VPS13C: variants seen among roughly 807,000 people sequenced by gnomAD.
VPS13C encodes vacuolar protein sorting 13 homolog C, also known as intermembrane lipid transfer protein VPS13C.
Under a neutral mutation model 456.8 loss-of-function variants are expected in VPS13C, and 358 were observed. The observed-to-expected ratio is 0.78, with a 90% CI of 0.72 to 0.86. The LOEUF (loss-of-function observed/expected upper bound fraction) is 0.86. VPS13C is among the 40% of genes least tolerant of loss of function. The probability of loss-of-function intolerance (pLI) is 0.00; values close to 1 mark genes in which losing one functional copy is unlikely to be tolerated. For synonymous variants in VPS13C, 1,578 were observed against 1,486.7 expected, an observed-to-expected ratio of 1.06 and a Z score of -1.41; for missense variants, 4,818 against 4,385.4, an observed-to-expected ratio of 1.10 and a Z score of -2.79.
intron 15 of VPS13C, among the ~76,000 whole-genome samples, chr15:62,006,610 G>A (rs2046856882): frequency 2.0e-5 from 3 of 152,174 alleles, no homozygotes; most frequent in African/African-American, 7.2e-5. Context: ...AATCCTTTGG[G>A]TACATACCCA....
intron 37 of VPS13C, among the ~76,000 whole-genome samples, chr15:61,958,007 G>GA (rs1263489130): frequency 1.3e-5 from 2 of 151,224 alleles, no homozygotes; most frequent in Non-Finnish European, 3.0e-5. Context: ...CCATTTGTTT[G>GA]AAAAAAACTA....
chr15:62,005,053 T>A (rs1269604503), intron 15 of VPS13C, among the ~76,000 whole-genome samples: 1 of 151,908 alleles, frequency 6.6e-6, no homozygotes, highest in Non-Finnish European at 1.5e-5. Flanking sequence ...GGTGCAGAGC[T>A]GAGTTCAATT....
Position 61,945,694 on chromosome 15 carries a change from A to C in VPS13C, c.5148+21T>G, listed in dbSNP as rs190733002. The C allele has an allele frequency of 4.1e-3, 6,360 of 1,557,882 alleles. 154 individuals carry two copies. The Admixed American group carries it at 0.064, about 16-fold the overall frequency. On this transcript the variant is annotated intron_variant, in intron 45 of 84. Transcript: ENST00000644861. ...GATATTTAGGCCTCAGTGAGGAATAAATATATTTTTAAAAACTTACCAAAA... is the reference window on the plus strand; with the variant it reads ...GATATTTAGGCCTCAGTGAGGAATACATATATTTTTAAAAACTTACCAAAA...
At chr15:62,030,471 T>C (rs2047776554) in intron 5 of VPS13C, among the ~76,000 whole-genome samples, 1 of 152,064 alleles carries the variant, frequency 6.6e-6, no homozygotes, top group African/African-American at 2.4e-5. Flanking sequence ...CAGGAGCAAG[T>C]GCCGGCATCA....
intron 19 of VPS13C, among the ~76,000 whole-genome samples, chr15:61,984,319 C>T (rs1262806650): frequency 6.6e-6 from 1 of 152,142 alleles, no homozygotes; most frequent in Non-Finnish European, 1.5e-5. Flanking sequence ...GGATGAACTC[C>T]TCTCCCTATT....
At position 61,865,596 on chromosome 15, in the gene VPS13C, A is replaced by G. The variant is rs117905423; in HGVS notation, c.10864-2068T>C. 6.7e-4 allele frequency: 421 copies of G among 625,500 alleles called. 2 individuals carry two copies. The East Asian group carries it at 0.015, about 22-fold the overall frequency. The allele number at this position is 625,500 out of a possible 1,614,324, so 38.7% of individuals were successfully genotyped here. ...TATATATGTGTGTATATGTGTGTGTATATATGTATGTGTATATATGTATGT... is the reference window on the plus strand; with the variant it reads ...TATATATGTGTGTATATGTGTGTGTGTATATGTATGTGTATATATGTATGT... On this transcript the variant is annotated intron_variant, in intron 81 of 84. Transcript: ENST00000644861.
intron 83 of VPS13C, among the ~76,000 whole-genome samples, chr15:61,855,778 A>G (rs781301657): frequency 2.0e-5 from 3 of 152,100 alleles, no homozygotes; most frequent in Non-Finnish European, 4.4e-5. Context: ...TGTAACAAAC[A>G]TATTTCAAAG....
intron 67 of VPS13C, among the ~76,000 whole-genome samples, chr15:61,885,384 A>G (rs577759320): frequency 1.8e-4 from 27 of 152,238 alleles, no homozygotes; most frequent in East Asian, 5.8e-4. Flanking sequence ...CAAAGCCACT[A>G]TTATTGGTGT....
rs758929774 is a variant in VPS13C at position 61,920,532 on chromosome 15, T to G, written c.7178A>C (p.Lys2393Thr). The G allele has an allele frequency of 7.1e-6, 11 of 1,556,310 alleles. No individual in the cohort carries two copies. In the South Asian group the frequency reaches 1.4e-4, roughly 19 times the overall value. The change falls in exon 56 of 85, where the codon AAA becomes ACA. Residue 2393 changes from lysine (K) to threonine (T), a missense_variant. Lys to Thr is a moderately conservative substitution (Grantham distance 78, BLOSUM62 -1). Coordinates refer to ENST00000644861, the MANE Select transcript of VPS13C (RefSeq NM_020821.3). ...ATTGTTGAAAACATTAAGACAACTT[T>G]TGGATATTGTTATATTCATTGTATT... ...SGNTMNITIS[K>T]SCLNVFNNLA...
chr15:61,962,883 T>C, intron 32 of VPS13C, 31 bp from the exon 33 acceptor site: 1 of 1,432,744 alleles, frequency 7.0e-7, no homozygotes, highest in Non-Finnish European at 9.7e-7. Flanking sequence ...TTATAATTTC[T>C]ACAGACCTAC....
At chr15:61,913,512 T>C in intron 61 of VPS13C, 97 bp from the exon 62 acceptor site, 1 of 1,015,866 alleles carries the variant, frequency 9.8e-7, no homozygotes, top group Non-Finnish European at 1.5e-6. Flanking sequence ...ATTTCTTTAG[T>C]ACCGTGGGAC....
chr15:61,988,041 C>G (rs961239994), intron 18 of VPS13C, among the ~76,000 whole-genome samples: 1 of 152,064 alleles, frequency 6.6e-6, no homozygotes, highest in African/African-American at 2.4e-5. Flanking sequence ...AAATACTATT[C>G]AGCAATGAAA....
intron 82 of VPS13C, among the ~76,000 whole-genome samples, chr15:61,861,526 A>G (rs1165199387): frequency 1.3e-5 from 2 of 152,276 alleles, no homozygotes; most frequent in Admixed American, 1.3e-4. Context: ...TCTACAATGA[A>G]TAGCCATAAC....
intron 9 of VPS13C, among the ~76,000 whole-genome samples, chr15:62,014,318 A>G (rs2047152041): frequency 1.3e-5 from 2 of 152,108 alleles, no homozygotes; most frequent in African/African-American, 4.8e-5. Flanking sequence ...ATTCTTTTTA[A>G]AAAAACAAGT....
At chr15:62,059,897 T>C (rs145095270) in intron 1 of VPS13C, among the ~76,000 whole-genome samples, 1,673 of 152,304 alleles carry the variant, frequency 0.011, 17 homozygotes, top group Non-Finnish European at 0.017. Context: ...CAGACAACCA[T>C]GCTCACTCCA....
At chr15:62,051,916 C>G (rs1240526749) in intron 1 of VPS13C, among the ~76,000 whole-genome samples, 1 of 152,148 alleles carries the variant, frequency 6.6e-6, no homozygotes, top group African/African-American at 2.4e-5. Flanking sequence ...TGATTTAGAA[C>G]TATTTGGGAC....
At chr15:62,052,787 C>T (rs954722574) in intron 1 of VPS13C, among the ~76,000 whole-genome samples, 3 of 151,556 alleles carry the variant, frequency 2.0e-5, no homozygotes, top group Non-Finnish European at 2.9e-5. Flanking sequence ...AATGAGTTCA[C>T]AGTGACTTTG....
intron 82 of VPS13C, among the ~76,000 whole-genome samples, chr15:61,862,697 A>G (rs1325252849): frequency 6.6e-6 from 1 of 152,166 alleles, no homozygotes; most frequent in Non-Finnish European, 1.5e-5. Flanking sequence ...ACATGACTGG[A>G]GAATCCTCTC....
intron 45 of VPS13C, among the ~76,000 whole-genome samples, chr15:61,944,462 G>A (rs2044538257): frequency 6.6e-6 from 1 of 152,122 alleles, no homozygotes; most frequent in Non-Finnish European, 1.5e-5. Flanking sequence ...CATAAAAAAA[G>A]AATGAAATCA....
Sources: allele counts gnomAD v4.1 joint callset (sites outside exome capture counted in the v4.1 genomes callset), GRCh38; gene constraint gnomAD v4.1.1; transcripts MANE v1.5; gene names NCBI Gene and HGNC (gene_info 2026-07-23, HGNC 2026-07-21).